Variants in BCAR1 observed in about 807,000 individuals in gnomAD.
The protein encoded by BCAR1 is breast cancer anti-estrogen resistance protein 1.
BCAR1 carries 30 observed loss-of-function variants against 67.6 expected under a neutral mutation model. The observed-to-expected ratio is 0.44, with a 90% CI of 0.33 to 0.60. The LOEUF (loss-of-function observed/expected upper bound fraction) is 0.60. BCAR1 is among the 20% of genes least tolerant of loss of function. The pLI, the probability that BCAR1 is intolerant of heterozygous loss-of-function variation, is 0.02. For synonymous variants in BCAR1, 626 were observed against 556.7 expected (o/e 1.12, Z -1.75); for missense variants, 1,313 against 1,222.3 (o/e 1.07, Z -1.11).
Position 75,236,884 on chromosome 16 carries a change from C to A in BCAR1, c.910G>T (p.Ala304Ser). ...EKGLPPSNHH[A>S]VYDVPPSVSK... ...GCATTGCCCTGGCATTTGCTCACTG[C>A]GTGGTGGTTGGACGGTGGCAGGCCC... Residue 304 changes from alanine to serine, a missense_variant and splice_region_variant, in exon 4 of 7, where the codon GCA becomes TCA. Transcript: ENST00000162330. 1 of 1,612,488 alleles carries A rather than the reference C, an allele frequency of 6.2e-7. No individual in the cohort carries two copies. The highest frequency in any genetic ancestry group is 2.2e-5 in the East Asian group (1 of 44,870).
intron 1 of BCAR1, chr16:75,246,757 TC>T: frequency 6.6e-6 from 1 of 152,072 alleles, no homozygotes. Context: ...CCCAGCAGCC[TC>T]CCCCGGAACC....
chr16:75,266,834 AC>A (rs2078016652), intron 1 of BCAR1: 2 of 1,280,186 alleles, frequency 1.6e-6, no homozygotes, highest in South Asian at 2.4e-5. Flanking sequence ...AGCGCTGCCC[AC>A]CCCAGGGAGG....
At chr16:75,249,169 A>T (rs927150274) in intron 1 of BCAR1, 2 of 152,308 alleles carry the variant, frequency 1.3e-5, no homozygotes, top group Non-Finnish European at 2.9e-5. Context: ...ACTCAAGCGG[A>T]CCTGCTGGAG....
At chr16:75,243,115 A>G in intron 1 of BCAR1, 25 bp from the exon 2 acceptor site, 2 of 1,558,274 alleles carry the variant, frequency 1.3e-6, no homozygotes, top group Non-Finnish European at 1.7e-6. Context: ...CACAGGTGTG[A>G]GAACAGAAGG....
intron 6 of BCAR1, among the ~76,000 whole-genome samples, chr16:75,230,538 A>G (rs1440552239): frequency 6.6e-6 from 1 of 152,228 alleles, no homozygotes; most frequent in African/African-American, 2.4e-5. Context: ...CGAAGATGTC[A>G]CCTGTAATCC....
Position 75,232,230 on chromosome 16 carries a change from G to A in BCAR1, c.2100+1616C>T, listed in dbSNP as rs563867191. Among the ~76,000 whole-genome samples the A allele has an allele frequency of 7.2e-5, 11 of 151,798 alleles. No homozygotes were observed. The East Asian group carries it at 1.9e-3, about 27-fold the overall frequency. On this transcript the variant is annotated intron_variant, in intron 6 of 6. Coordinates refer to ENST00000162330, the MANE Select transcript of BCAR1 (RefSeq NM_014567.5). ...GGCTGGAGTGCAGTGGCGCAATCTC[G>A]GCTCACTGCAAGCTCCGCCTCCTGG...
Position 75,248,858 on chromosome 16 carries a change from G to C in BCAR1, c.12+2613C>G, listed in dbSNP as rs142241979. 5.1e-3 allele frequency: 776 copies of C among 152,704 alleles called. 4 individuals are homozygous for C. The highest frequency in any genetic ancestry group is 8.7e-3 in the Non-Finnish European group (593 of 68,370). 9.5% of individuals were successfully genotyped at this position (152,704 alleles called of 1,614,324 possible). A position where few individuals can be genotyped will look rare whatever the true frequency, so the allele number is the denominator to read the frequency against. ...AGCAGGAGGGAATAAAAAGCCACCT[G>C]TGGGGTGGCCACTGCCAAGGGCTCC... On this transcript the variant is annotated intron_variant, in intron 1 of 6. Transcript: ENST00000162330.
chr16:75,237,208 A>C lies in BCAR1; in HGVS notation c.770T>G (p.Leu257Arg). 1 of 1,570,682 alleles carries C rather than the reference A, an allele frequency of 6.4e-7. No individual in the cohort carries two copies. Among genetic ancestry groups the C allele is most frequent in the Non-Finnish European group, 8.6e-7 (1 of 1,160,794 alleles). The change falls in exon 3 of 7, where the codon CTG (leucine) becomes CGG (arginine). Residue 257 changes from leucine to arginine, a missense_variant. This residue lies in a region of BCAR1 where 1,272 missense variants were observed against 1,137.5 expected (regional missense o/e 1.12). Transcript: ENST00000162330. ...DIYDVPPVRGLLPSQYGQEVY... is the reference protein window; with the variant it reads ...DIYDVPPVRGRLPSQYGQEVY... ...CTCCTGGCCATACTGGCTGGGAAGC[A>C]GCCCCCGAACCGGGGGCACATCATA...
intron 2 of BCAR1, among the ~76,000 whole-genome samples, chr16:75,237,908 G>A (rs1019250325): frequency 1.8e-4 from 27 of 152,340 alleles, no homozygotes; most frequent in South Asian, 8.3e-4. Flanking sequence ...TGGAGGACAG[G>A]GCCAGAGGGG....
chr16:75,265,220 C>A (rs1407045010), intron 1 of BCAR1: 1 of 152,440 alleles, frequency 6.6e-6, no homozygotes, highest in Non-Finnish European at 1.5e-5. Flanking sequence ...GAAAGTGAGC[C>A]CATCCGCCGT....
intron 1 of BCAR1, chr16:75,248,202 G>C: frequency 1.3e-6 from 2 of 1,557,688 alleles, no homozygotes; most frequent in Non-Finnish European, 1.7e-6. Context: ...GTGACGCCTG[G>C]GTTCGTGGAA....
chr16:75,234,781 G>T (rs1416396987), intron 5 of BCAR1, 108 bp downstream of exon 5: 15 of 1,467,896 alleles, frequency 1.0e-5, no homozygotes, highest in Non-Finnish European at 1.4e-5. Flanking sequence ...TGAGAGGAGG[G>T]TGCAGGGCCT....
At chr16:75,238,995 G>T in intron 2 of BCAR1, 1 of 985,370 alleles carries the variant, frequency 1.0e-6, no homozygotes. Flanking sequence ...CCAACCTCAC[G>T]CGGTGAGGCC....
intron 4 of BCAR1, chr16:75,236,271 A>C: frequency 2.0e-6 from 1 of 491,544 alleles, no homozygotes; most frequent in Non-Finnish European, 3.6e-6. Flanking sequence ...CCTGTGCCTG[A>C]AGGTGGGAGA....
In BCAR1 at chr16:75,265,782, C is replaced by T; in HGVS notation, c.66+2133G>A. 5.0e-6 allele frequency: 6 copies of T among 1,196,496 alleles called. No homozygotes were observed. In the South Asian group the frequency reaches 2.1e-4, roughly 41 times the overall value. 74.1% of individuals were successfully genotyped at this position (1,196,496 alleles called of 1,614,324 possible). Reference sequence around the variant, plus strand: ...CGGGCGGGGCGAGGTCGCAGCCGGGCGGGGGACAGCCGGCCCGGGGTCCCG... The same window carrying T: ...CGGGCGGGGCGAGGTCGCAGCCGGGTGGGGGACAGCCGGCCCGGGGTCCCG... On this transcript the variant is annotated intron_variant, in intron 1 of 6. Coordinates refer to the BCAR1 transcript ENST00000393422.
intron 1 of BCAR1, chr16:75,247,774 C>G: frequency 4.2e-6 from 2 of 478,974 alleles, no homozygotes; most frequent in South Asian, 4.5e-5. Context: ...TCTGCCAGGC[C>G]TGGCTCATAT....
At chr16:75,237,547 A>G (rs1200462158) in intron 2 of BCAR1, 2 of 590,234 alleles carry the variant, frequency 3.4e-6, no homozygotes, top group Non-Finnish European at 5.3e-6. Flanking sequence ...TACGGCAAGA[A>G]CTCTGGGTTT....
Position 75,242,816 on chromosome 16 carries a change from G to C in BCAR1, c.287C>G (p.Ala96Gly). The C allele has an allele frequency of 6.2e-7, 1 of 1,604,730 alleles. No homozygotes were observed. Among genetic ancestry groups the C allele is most frequent in the East Asian group, 2.2e-5 (1 of 44,760 alleles). The change falls in exon 2 of 7, where the codon GCC (alanine) becomes GGC (glycine). Residue 96 changes from alanine (A) to glycine (G), a missense_variant. Coordinates refer to ENST00000162330, the MANE Select transcript of BCAR1 (RefSeq NM_014567.5). ...QPGLHAPAPPASQYTPMLPNT... is the reference protein window; with the variant it reads ...QPGLHAPAPPGSQYTPMLPNT... ...GGGGAGCATGGGCGTGTACTGGGAGGCCGGAGGCGCTGGGGCATGGAGGCC... is the reference window on the plus strand; with the variant it reads ...GGGGAGCATGGGCGTGTACTGGGAGCCCGGAGGCGCTGGGGCATGGAGGCC...
At chr16:75,237,697 T>C (rs938602812) in intron 2 of BCAR1, among the ~76,000 whole-genome samples, 5 of 152,116 alleles carry the variant, frequency 3.3e-5, no homozygotes, top group Non-Finnish European at 5.9e-5. Flanking sequence ...TGGAGGGCAC[T>C]ACCCACAGGC....
Sources: gnomAD v4.1 joint callset for allele counts (sites outside exome capture counted in the v4.1 genomes callset) on GRCh38, gnomAD v4.1.1 for gene constraint, gnomAD v4.1.1 regional missense constraint, MANE v1.5 for transcripts, NCBI Gene and HGNC (gene_info 2026-07-23, HGNC 2026-07-21) for gene names.